The following SLC22A4 variants were observed in gnomAD, a reference collection of about 807,000 sequenced individuals.
SLC22A4 encodes solute carrier family 22 member 4.
A neutral mutation model predicts 56.6 loss-of-function variants in SLC22A4; 39 were observed. The observed-to-expected ratio is 0.69, with a 90% CI of 0.53 to 0.90. The LOEUF is 0.90. Ranked by LOEUF, SLC22A4 falls within the 40% of genes least tolerant of loss-of-function variation. The probability of loss-of-function intolerance (pLI) is 0.00; values close to 1 mark genes in which losing one functional copy is unlikely to be tolerated. For synonymous variants in SLC22A4, 241 were observed against 281.4 expected, an observed-to-expected ratio of 0.86 and a Z score of 1.44; for missense variants, 594 against 696.5, an observed-to-expected ratio of 0.85 and a Z score of 1.66.
At position 132,312,159 on chromosome 5, in the gene SLC22A4, A is replaced by C. The variant is rs781234121; in HGVS notation, c.394-2A>C. The C allele has an allele frequency of 6.3e-7, 1 of 1,591,882 alleles. No homozygotes were observed. Among genetic ancestry groups the C allele is most frequent in the South Asian group, 1.1e-5 (1 of 90,648 alleles). On this transcript the variant is annotated splice_acceptor_variant, in intron 1 of 9. Transcript: ENST00000200652. LOFTEE classifies it high-confidence loss of function. ...CACGCTTCATGCTGTCTTCCTTGGC[A>C]GTGGAATCTGGTGTGTGAGGACAAC...
Position 132,294,621 on chromosome 5 carries a change from G to A in SLC22A4, c.5G>A (p.Arg2Gln), listed in dbSNP as rs759385265. ...TTCGGAGCGGCAGTGGGAAGCATGC[G>A]GGACTACGACGAGGTGATCGCCTTC... The part of the protein sequence containing the change: M[R>Q]DYDEVIAFLG... The change falls in exon 1 of 10, where the codon CGG becomes CAG. Residue 2 changes from arginine (R) to glutamine (Q), a missense_variant. Coordinates refer to ENST00000200652, the MANE Select transcript of SLC22A4 (RefSeq NM_003059.3). This position sits in a 1 kb window ranked among gnomAD's most constrained non-coding sequence, Gnocchi z 5.6. The A allele has an allele frequency of 9.9e-6, 16 of 1,614,052 alleles. No individual in the cohort carries two copies. The South Asian group carries it at 1.1e-4, about 11-fold the overall frequency.
chr5:132,332,303 G>A, intron 6 of SLC22A4: 1 of 193,006 alleles, frequency 5.2e-6, no homozygotes, highest in Non-Finnish European at 1.1e-5. Context: ...AGCAGAGCAA[G>A]ACTCCATCTA....
intron 1 of SLC22A4, 21 bp downstream of exon 1, chr5:132,295,030 G>A (rs762204411): frequency 6.3e-7 from 1 of 1,596,126 alleles, no homozygotes; most frequent in Non-Finnish European, 8.5e-7. Flanking sequence ...GGCCGAGACC[G>A]TTGACCCGGG....
At chr5:132,319,237 G>C (rs769473970) in intron 3 of SLC22A4, among the ~76,000 whole-genome samples, 1 of 150,746 alleles carries the variant, frequency 6.6e-6, no homozygotes, top group Non-Finnish European at 1.5e-5. Flanking sequence ...AGGAGGAAGA[G>C]GTTACAGTAA....
In SLC22A4 at chr5:132,340,703, A is replaced by G. The variant is rs1443225884; in HGVS notation, c.1580+3A>G. ...GAGCAGATGCAGAAAGTGAAATGGT[A>G]AGTAGGACTTTTAACAAAATGATAC... is the stretch of plus-strand genomic sequence containing the variant. On this transcript the variant is annotated splice_donor_region_variant and intron_variant, in intron 9 of 9. Transcript: ENST00000200652. 6.2e-7 allele frequency: 1 copy of G among 1,613,770 alleles called. No individual in the cohort carries two copies. The highest frequency in any genetic ancestry group is 1.7e-5 in the Admixed American group (1 of 60,028).
intron 8 of SLC22A4, among the ~76,000 whole-genome samples, chr5:132,337,572 T>C (rs1751064889): frequency 1.1e-5 from 1 of 93,896 alleles, no homozygotes. Flanking sequence ...CCACAGCACC[T>C]GGCCTACCTA....
At chr5:132,299,097 C>T (rs116343504) in intron 1 of SLC22A4, among the ~76,000 whole-genome samples, 14 of 152,320 alleles carry the variant, frequency 9.2e-5, no homozygotes, top group South Asian at 2.1e-4. Flanking sequence ...CTTATACTGC[C>T]GTGCCAGGAT....
chr5:132,317,121 C>T (rs1750386342), intron 3 of SLC22A4, among the ~76,000 whole-genome samples: 1 of 152,178 alleles, frequency 6.6e-6, no homozygotes, highest in South Asian at 2.1e-4. Context: ...GGTGTCTCTT[C>T]TTGTAAGAAC....
At chr5:132,323,579 C>G (rs765905180) in intron 4 of SLC22A4, among the ~76,000 whole-genome samples, 3 of 152,154 alleles carry the variant, frequency 2.0e-5, no homozygotes, top group Non-Finnish European at 4.4e-5. Flanking sequence ...GTCTGAGGAC[C>G]GGGAAACCCG....
intron 5 of SLC22A4, 136 bp from the exon 6 acceptor site, chr5:132,331,617 TGCC>T: frequency 1.3e-6 from 1 of 746,056 alleles, no homozygotes. Context: ...GATGCCCTAT[TGCC>T]TCCAATCACC....
chr5:132,314,974 T>C (rs1470789678), intron 3 of SLC22A4, among the ~76,000 whole-genome samples: 2 of 152,158 alleles, frequency 1.3e-5, no homozygotes, highest in African/African-American at 4.8e-5. Flanking sequence ...CTCCCCTTCC[T>C]GCAGGGGGAA....
rs1054745568 is a variant in SLC22A4, at chr5:132,294,508, T to G, written c.-109T>G. 8.1e-6 allele frequency: 12 copies of G among 1,490,052 alleles called. No homozygotes were observed. The highest frequency in any genetic ancestry group is 9.2e-6 in the Non-Finnish European group (10 of 1,082,576). 92.3% of individuals were successfully genotyped at this position (1,490,052 alleles called of 1,614,324 possible). A position where few individuals can be genotyped will look rare whatever the true frequency, so the allele number is the denominator to read the frequency against. ...GCCCCAATTTCTAACAGCCTGCCTGTCCCCCGGGAACGTTCTAACATCCTT... is the reference window on the plus strand; with the variant it reads ...GCCCCAATTTCTAACAGCCTGCCTGGCCCCCGGGAACGTTCTAACATCCTT... On this transcript the variant is annotated 5_prime_UTR_variant, in exon 1 of 10. Coordinates refer to ENST00000200652, the MANE Select transcript of SLC22A4 (RefSeq NM_003059.3). This position sits in a 1 kb window ranked among gnomAD's most constrained non-coding sequence, Gnocchi z 5.6.
chr5:132,342,052 A>G (rs1751235045), intron 9 of SLC22A4, among the ~76,000 whole-genome samples: 1 of 152,262 alleles, frequency 6.6e-6, no homozygotes, highest in South Asian at 2.1e-4. Context: ...TTATAACCTT[A>G]GAGAAGATCT....
In SLC22A4 at chr5:132,318,957, A is replaced by G. The variant is rs137856546; in HGVS notation, c.653-3227A>G. On this transcript the variant is annotated intron_variant, in intron 3 of 9. Transcript: ENST00000200652. The stretch of plus-strand genomic sequence containing the variant: ...AAAGCTCATGGCAGCTGCAGGCCAT[A>G]AAAGATCTGTGTAATCAGGGTTCTC... Among the ~76,000 whole-genome samples the G allele has an allele frequency of 4.0e-3, 609 of 152,282 alleles. 3 individuals are homozygous for G. Among genetic ancestry groups the G allele is most frequent in the African/African-American group, 0.012 (484 of 41,560 alleles).
chr5:132,318,555 G>T (rs931206243), intron 3 of SLC22A4, among the ~76,000 whole-genome samples: 1 of 152,136 alleles, frequency 6.6e-6, no homozygotes. Context: ...TTATGAAGGT[G>T]CATGTCCTGC....
chr5:132,305,050 G>C (rs1459693659), intron 1 of SLC22A4, among the ~76,000 whole-genome samples: 1 of 152,204 alleles, frequency 6.6e-6, no homozygotes, highest in Admixed American at 6.5e-5. Context: ...TTCAACCCCA[G>C]CCTGGGCAAC....
At chr5:132,330,023 T>G (rs1223638818) in intron 5 of SLC22A4, among the ~76,000 whole-genome samples, 1 of 152,216 alleles carries the variant, frequency 6.6e-6, no homozygotes, top group African/African-American at 2.4e-5. Flanking sequence ...TCCAAGAAGA[T>G]GTCTGGTTCC....
At chr5:132,342,514 T>G (rs1751250531) in intron 9 of SLC22A4, among the ~76,000 whole-genome samples, 2 of 152,316 alleles carry the variant, frequency 1.3e-5, no homozygotes, top group East Asian at 3.9e-4. Context: ...TGACAATACC[T>G]AAATTTAGCA....
chr5:132,313,864 G>T, intron 3 of SLC22A4, 96 bp downstream of exon 3: 1 of 1,323,306 alleles, frequency 7.6e-7, no homozygotes. Flanking sequence ...TGCTTCCAAA[G>T]CCTTTGGATA....
Sources: gnomAD v4.1 joint callset for allele counts (sites outside exome capture counted in the v4.1 genomes callset) on GRCh38, gnomAD v4.1.1 for gene constraint, Gnocchi (gnomAD v3.1) non-coding constraint, MANE v1.5 for transcripts, NCBI Gene and HGNC (gene_info 2026-07-23, HGNC 2026-07-21) for gene names.